The following MAP4K4 variants were observed in gnomAD, a reference collection of about 807,000 sequenced individuals.
MAP4K4 encodes the protein mitogen-activated protein kinase kinase kinase kinase 4, also known as HPK/GCK-like kinase HGK.
MAP4K4 carries 38 observed loss-of-function variants against 189.6 expected under a neutral mutation model. That is an observed-to-expected ratio of 0.20 (90% confidence interval 0.15 to 0.26). MAP4K4 has a LOEUF of 0.26. Ranked by LOEUF, MAP4K4 falls within the 10% of genes least tolerant of loss-of-function variation. The pLI is 1.00. For synonymous variants in MAP4K4, 610 were observed against 624.3 expected, an observed-to-expected ratio of 0.98 and a Z score of 0.34; for missense variants, 1,054 against 1,726.9, an observed-to-expected ratio of 0.61 and a Z score of 6.91.
At chr2:101,740,343 C>A (rs1472147539) in intron 2 of MAP4K4, among the ~76,000 whole-genome samples, 1 of 114,466 alleles carries the variant, frequency 8.7e-6, no homozygotes, top group Non-Finnish European at 1.6e-5. Context: ...TTAGTAGAGA[C>A]GGGGTTTCAC....
At chr2:101,834,241 C>CCTT (rs200940084) in intron 7 of MAP4K4, among the ~76,000 whole-genome samples, 168 bp from the exon 8 acceptor site, 8 of 131,304 alleles carry the variant, frequency 6.1e-5, no homozygotes, top group Non-Finnish European at 8.6e-5. Flanking sequence ...TCCCTTCCTC[C>CCTT]CCTCCCCTCC....
At chr2:101,807,460 G>A (rs1366148869) in intron 3 of MAP4K4, among the ~76,000 whole-genome samples, 1 of 152,128 alleles carries the variant, frequency 6.6e-6, no homozygotes, top group Non-Finnish European at 1.5e-5. Flanking sequence ...TGACATCATA[G>A]TTCATAGGGT....
intron 2 of MAP4K4, among the ~76,000 whole-genome samples, chr2:101,762,930 G>A (rs866499157): frequency 6.6e-6 from 1 of 152,166 alleles, no homozygotes; most frequent in East Asian, 1.9e-4. Flanking sequence ...TGTGTGTGGT[G>A]GTGAATTTGA....
At chr2:101,770,119 T>C (rs2080590906) in intron 2 of MAP4K4, among the ~76,000 whole-genome samples, 1 of 152,214 alleles carries the variant, frequency 6.6e-6, no homozygotes, top group Non-Finnish European at 1.5e-5. Context: ...ATATCCCTTG[T>C]TCTTTTTCAA....
intron 2 of MAP4K4, among the ~76,000 whole-genome samples, chr2:101,758,504 C>A (rs893661202): frequency 1.5e-4 from 23 of 152,096 alleles, no homozygotes; most frequent in African/African-American, 5.3e-4. Flanking sequence ...GCAGTTTTTC[C>A]TATAGGCAAG....
At chr2:101,878,177 G>A (rs1196029580) in intron 27 of MAP4K4, among the ~76,000 whole-genome samples, 5 of 152,174 alleles carry the variant, frequency 3.3e-5, no homozygotes, top group Non-Finnish European at 5.9e-5. Flanking sequence ...ACTTTTATAA[G>A]TTTTTAAATT....
chr2:101,756,089 C>T (rs1053041658), intron 2 of MAP4K4, among the ~76,000 whole-genome samples: 3 of 151,692 alleles, frequency 2.0e-5, no homozygotes, highest in Non-Finnish European at 2.9e-5. Context: ...TGCAGGCAAC[C>T]GCCACCACGT....
chr2:101,714,937 A>G (rs1035767263), intron 2 of MAP4K4, among the ~76,000 whole-genome samples: 4 of 152,188 alleles, frequency 2.6e-5, no homozygotes, highest in Non-Finnish European at 5.9e-5. Flanking sequence ...ATCTCTCAAT[A>G]ATTTTTCACT....
chr2:101,749,285 CA>C (rs1324860520), intron 2 of MAP4K4, among the ~76,000 whole-genome samples: 153 of 151,120 alleles, frequency 1.0e-3, no homozygotes, highest in Middle Eastern at 7.0e-3. Flanking sequence ...GTAACCAAAA[CA>C]GCATGGTACT....
chr2:101,836,044 C>T, intron 9 of MAP4K4, 66 bp downstream of exon 9: 2 of 1,217,270 alleles, frequency 1.6e-6, no homozygotes, highest in Non-Finnish European at 2.4e-6. Context: ...TTTAGTTATA[C>T]TTTCCTCTGA....
chr2:101,873,206 A>C (rs2098103273), intron 24 of MAP4K4, among the ~76,000 whole-genome samples: 1 of 152,264 alleles, frequency 6.6e-6, no homozygotes, highest in Non-Finnish European at 1.5e-5. Flanking sequence ...ATTTAAAATA[A>C]CTACAATTAT....
intron 2 of MAP4K4, among the ~76,000 whole-genome samples, chr2:101,767,367 AT>A (rs1040595924): frequency 2.6e-5 from 4 of 151,730 alleles, no homozygotes; most frequent in South Asian, 4.2e-4. Context: ...TTTTATTAGA[AT>A]TTTTTTTTAT....
chr2:101,885,249 T>TGGGCACCAAAGCC lies in MAP4K4; in HGVS notation c.3584_3596dup (p.Tyr1200GlyfsTer12). ...GAAGAGTTCTGTGGAAGTCTATGCG[T>TGGGCACCAAAGCC]GGGCACCAAAGCCATATCACAAATT... On this transcript the variant is annotated frameshift_variant, in exon 29 of 33. Transcript: ENST00000324219. LOFTEE classifies it high-confidence loss of function. The TGGGCACCAAAGCC allele has an allele frequency of 6.2e-7, 1 of 1,606,068 alleles. No individual in the cohort carries two copies. The highest frequency in any genetic ancestry group is 8.5e-7 in the Non-Finnish European group (1 of 1,174,388).
At chr2:101,729,101 A>AGTGT (rs57635166) in intron 2 of MAP4K4, among the ~76,000 whole-genome samples, 2,467 of 130,484 alleles carry the variant, frequency 0.019, 29 homozygotes, top group Middle Eastern at 0.076. Context: ...AGAGAGAGAG[A>AGTGT]GTGTGTGTGT....
chr2:101,714,720 T>TA lies in MAP4K4; in HGVS notation c.123+16183dup, dbSNP rs533363978. Among the ~76,000 whole-genome samples the TA allele has an allele frequency of 1.9e-4, 29 of 152,324 alleles. No homozygotes were observed. The South Asian group carries it at 6.0e-3, about 32-fold the overall frequency. ...CTGATAATTTCCCTATAAACTCTGA[T>TA]ACGTAAATGTTGGGGCTAGGAGGAG... is the stretch of plus-strand genomic sequence containing the variant. On this transcript the variant is annotated intron_variant, in intron 2 of 32. Transcript: ENST00000324219.
chr2:101,878,604 A>T (rs892233262), intron 27 of MAP4K4, among the ~76,000 whole-genome samples: 1 of 152,224 alleles, frequency 6.6e-6, no homozygotes, highest in Non-Finnish European at 1.5e-5. Context: ...TTTTTCACAG[A>T]TATCCTTGTA....
intron 2 of MAP4K4, among the ~76,000 whole-genome samples, chr2:101,738,820 C>G (rs2061495621): frequency 6.6e-6 from 1 of 151,914 alleles, no homozygotes; most frequent in Non-Finnish European, 1.5e-5. Context: ...CTGGCTGCCA[C>G]CATATTGTTG....
exon 33 of MAP4K4, chr2:101,892,019 A>G (rs1457099486): frequency 2.0e-5 from 3 of 148,966 alleles, no homozygotes; most frequent in African/African-American, 7.5e-5. Flanking sequence ...AAAAAAAGGA[A>G]AAAAAAAAAG....
intron 2 of MAP4K4, among the ~76,000 whole-genome samples, chr2:101,786,120 C>T (rs576701967): frequency 9.9e-5 from 15 of 152,218 alleles, no homozygotes; most frequent in South Asian, 4.1e-4. Context: ...CCATTGCACC[C>T]GGCCGGCATC....
Sources: allele counts gnomAD v4.1 joint callset (sites outside exome capture counted in the v4.1 genomes callset), GRCh38; gene constraint gnomAD v4.1.1; transcripts MANE v1.5; gene names NCBI Gene and HGNC (gene_info 2026-07-23, HGNC 2026-07-21).